CFAP61: variants seen among roughly 807,000 people sequenced by gnomAD.
CFAP61 encodes cilia- and flagella-associated protein 61.
A neutral mutation model predicts 135.6 loss-of-function variants in CFAP61; 107 were observed. That is an observed-to-expected ratio of 0.79 (90% CI 0.67 to 0.93). The LOEUF (loss-of-function observed/expected upper bound fraction) is 0.93. CFAP61 is among the 40% of genes least tolerant of loss of function. The pLI is 0.00. For synonymous variants in CFAP61, 575 were observed against 578.5 expected (o/e 0.99, Z 0.09); for missense variants, 1,507 against 1,556.2 (o/e 0.97, Z 0.53).
intron 25 of CFAP61, among the ~76,000 whole-genome samples, chr20:20,340,167 C>T (rs1321041383): frequency 2.0e-5 from 3 of 152,226 alleles, no homozygotes; most frequent in South Asian, 2.1e-4. Context: ...AGTCGCAAAT[C>T]CATTCCCTTT....
intron 18 of CFAP61, among the ~76,000 whole-genome samples, chr20:20,242,030 C>G (rs1450258463): frequency 6.6e-6 from 1 of 152,188 alleles, no homozygotes; most frequent in African/African-American, 2.4e-5. Context: ...AGCAAAACCT[C>G]TCATAATATT....
intron 21 of CFAP61, among the ~76,000 whole-genome samples, chr20:20,269,067 G>C (rs1404206195): frequency 6.8e-6 from 1 of 146,654 alleles, no homozygotes; most frequent in African/African-American, 2.5e-5. Flanking sequence ...GAAATCTTAT[G>C]CTTTGGCTTC....
intron 8 of CFAP61, among the ~76,000 whole-genome samples, chr20:20,103,443 A>C (rs1436779857): frequency 1.3e-5 from 2 of 152,032 alleles, no homozygotes; most frequent in Admixed American, 1.3e-4. Flanking sequence ...ATAAGGAAAA[A>C]CTAGTAGAAG....
chr20:20,336,640 AT>A (rs1253954051), intron 25 of CFAP61, among the ~76,000 whole-genome samples: 26 of 145,796 alleles, frequency 1.8e-4, no homozygotes, highest in Non-Finnish European at 2.9e-4. Context: ...AAAAAAAAAA[AT>A]TTTAAGAAAA....
Position 20,089,625 on chromosome 20 carries a change from C to T in CFAP61, c.567-1219C>T, listed in dbSNP as rs1600563679. On this transcript the variant is annotated intron_variant, in intron 6 of 26. Coordinates refer to ENST00000245957, the MANE Select transcript of CFAP61 (RefSeq NM_015585.4). ...AAGCAAAGTATAAGAACATCCCACA[C>T]AGGTAAAAAAGAGCACTAAACTTAC... Among the ~76,000 whole-genome samples the T allele has an allele frequency of 2.0e-5, 3 of 147,742 alleles. No homozygotes were observed. In the East Asian group the frequency reaches 5.9e-4, roughly 29 times the overall value.
chr20:20,156,135 A>G (rs1466416636), intron 9 of CFAP61, among the ~76,000 whole-genome samples: 1 of 152,168 alleles, frequency 6.6e-6, no homozygotes, highest in Non-Finnish European at 1.5e-5. Context: ...GCAACCAAAC[A>G]CCAACTGTTC....
At chr20:20,264,999 G>A (rs2052591448) in intron 21 of CFAP61, among the ~76,000 whole-genome samples, 1 of 152,138 alleles carries the variant, frequency 6.6e-6, no homozygotes, top group African/African-American at 2.4e-5. Flanking sequence ...TAAATGAATG[G>A]GCAGGTTTGT....
chr20:20,249,186 G>A (rs1319044996), intron 19 of CFAP61, among the ~76,000 whole-genome samples: 2 of 152,198 alleles, frequency 1.3e-5, no homozygotes, highest in Non-Finnish European at 2.9e-5. Context: ...CTCAACTGGT[G>A]AGGAAATTAA....
At chr20:20,212,883 A>G (rs1764118643) in intron 17 of CFAP61, among the ~76,000 whole-genome samples, 1 of 152,182 alleles carries the variant, frequency 6.6e-6, no homozygotes, top group Non-Finnish European at 1.5e-5. Context: ...GACAGCCATA[A>G]ATAGGCACAT....
At chr20:20,246,702 A>G (rs573532479) in intron 19 of CFAP61, among the ~76,000 whole-genome samples, 1 of 152,348 alleles carries the variant, frequency 6.6e-6, no homozygotes, top group African/African-American at 2.4e-5. Context: ...TCTGGAAAAT[A>G]CCATGTCTTT....
intron 14 of CFAP61, among the ~76,000 whole-genome samples, chr20:20,190,283 A>C (rs1208357325): frequency 6.6e-6 from 1 of 152,218 alleles, no homozygotes; most frequent in Admixed American, 6.5e-5. Context: ...CAGTGAAAGG[A>C]ATGAACTCTT....
At chr20:20,193,706 C>T (rs1350232233) in intron 15 of CFAP61, among the ~76,000 whole-genome samples, 8 of 152,070 alleles carry the variant, frequency 5.3e-5, no homozygotes, top group Middle Eastern at 3.2e-3. Flanking sequence ...CTCTGCCTCC[C>T]GGGTTCAAGC....
intron 7 of CFAP61, among the ~76,000 whole-genome samples, chr20:20,093,680 C>T (rs933359039): frequency 2.6e-5 from 4 of 152,074 alleles, no homozygotes; most frequent in African/African-American, 9.7e-5. Flanking sequence ...AGTGATCTGC[C>T]TCCCAAAGTG....
intron 22 of CFAP61, among the ~76,000 whole-genome samples, chr20:20,280,149 G>T (rs1017498733): frequency 2.6e-5 from 4 of 152,144 alleles, no homozygotes; most frequent in Non-Finnish European, 5.9e-5. Flanking sequence ...CTGGATCAAG[G>T]TTGGCCCTAA....
At chr20:20,156,916 A>G (rs917194545) in intron 9 of CFAP61, among the ~76,000 whole-genome samples, 2 of 152,240 alleles carry the variant, frequency 1.3e-5, no homozygotes, top group Non-Finnish European at 2.9e-5. Context: ...AGTTCTTTGC[A>G]AATTTGGTAA....
intron 17 of CFAP61, among the ~76,000 whole-genome samples, chr20:20,213,590 C>T (rs1172273873): frequency 6.6e-6 from 1 of 151,770 alleles, no homozygotes; most frequent in Non-Finnish European, 1.5e-5. Context: ...AGGCTCTACT[C>T]AACAGATGTG....
chr20:20,309,805 T>C (rs976609616), intron 25 of CFAP61, among the ~76,000 whole-genome samples: 3 of 150,136 alleles, frequency 2.0e-5, no homozygotes, highest in South Asian at 4.3e-4. Context: ...AGGAAGAAAA[T>C]ATTAGAACTT....
At chr20:20,121,437 T>A (rs985025073) in intron 8 of CFAP61, among the ~76,000 whole-genome samples, 1 of 152,110 alleles carries the variant, frequency 6.6e-6, no homozygotes, top group African/African-American at 2.4e-5. Context: ...GAGAATTGAC[T>A]TCATTTAAAT....
chr20:20,279,044 C>A (rs1462815424), intron 22 of CFAP61, among the ~76,000 whole-genome samples: 1 of 152,134 alleles, frequency 6.6e-6, no homozygotes, highest in Non-Finnish European at 1.5e-5. Flanking sequence ...TCAAAAATGG[C>A]AAACCTGGAA....
Sources: gnomAD v4.1 joint callset for allele counts (sites outside exome capture counted in the v4.1 genomes callset) on GRCh38, gnomAD v4.1.1 for gene constraint, MANE v1.5 for transcripts, NCBI Gene and HGNC (gene_info 2026-07-23, HGNC 2026-07-21) for gene names.